ALOX15B: variants seen among roughly 807,000 people sequenced by gnomAD.
ALOX15B encodes the protein arachidonate 15-lipoxygenase type B.
ALOX15B carries 74 observed loss-of-function variants against 73.8 expected under a neutral mutation model. That is an observed-to-expected ratio of 1.00 (90% CI 0.83 to 1.22). The LOEUF is 1.22. Among genes scored for constraint, ALOX15B ranks in the 50% most tolerant of loss-of-function variants. ALOX15B has a pLI of 0.00. For synonymous variants in ALOX15B, 353 were observed against 357.2 expected (o/e 0.99, Z 0.13); for missense variants, 896 against 859.9 (o/e 1.04, Z -0.52).
At chr17:8,039,800 G>A in intron 2 of ALOX15B, 102 bp from the exon 3 acceptor site, 1 of 1,297,490 alleles carries the variant, frequency 7.7e-7, no homozygotes, top group Non-Finnish European at 1.1e-6. Context: ...ACTTATGGGA[G>A]GAGGGGACCT....
intron 2 of ALOX15B, 63 bp downstream of exon 2, chr17:8,039,668 T>TGGGGGAGGGGGGGTG: frequency 1.1e-6 from 1 of 938,320 alleles, no homozygotes; most frequent in Non-Finnish European, 1.5e-6. Flanking sequence ...GACTGGGGGT[T>TGGGGGAGGGGGGGTG]GGGGAGAAGG....
At position 8,046,642 on chromosome 17, in the gene ALOX15B, A is replaced by G. The variant is rs375026101; in HGVS notation, c.1201-26A>G. 438 of 1,607,958 alleles carry G rather than the reference A, an allele frequency of 2.7e-4. 1 individual carries two copies. The highest frequency in any genetic ancestry group is 3.4e-4 in the Non-Finnish European group (400 of 1,177,186). ...GGCCAGAACAACCCAGGCCTCCCCTAGCTCTGCCATTTTCCTGCCATGCAG... is the reference window on the plus strand; with the variant it reads ...GGCCAGAACAACCCAGGCCTCCCCTGGCTCTGCCATTTTCCTGCCATGCAG... On this transcript the variant is annotated intron_variant, in intron 8 of 13. Coordinates refer to ENST00000380183, the MANE Select transcript of ALOX15B (RefSeq NM_001141.3).
intron 3 of ALOX15B, among the ~76,000 whole-genome samples, chr17:8,041,351 T>TA (rs1418598812): frequency 6.6e-6 from 1 of 152,234 alleles, no homozygotes; most frequent in Admixed American, 6.5e-5. Context: ...AGCTGCTAAG[T>TA]CTTGCACAAC....
Position 8,042,454 on chromosome 17 carries a change from GC to G in ALOX15B, c.537del (p.Lys180ArgfsTer16), listed in dbSNP as rs1893895196. On this transcript the variant is annotated frameshift_variant, in exon 4 of 14. Coordinates refer to ENST00000380183, the MANE Select transcript of ALOX15B (RefSeq NM_001141.3). LOFTEE classifies it high-confidence loss of function. ...DLELNIKYST[A>X]KNANFYLQAG... ...GGAGCTCAATATCAAATACTCCACA[GC>G]CAAGAATGCCAACTTTTATCTACAG... 1 of 1,613,880 alleles carries G rather than the reference GC, an allele frequency of 6.2e-7. No homozygotes were observed. Among genetic ancestry groups the G allele is most frequent in the South Asian group, 1.1e-5 (1 of 91,080 alleles).
intron 5 of ALOX15B, among the ~76,000 whole-genome samples, chr17:8,044,333 G>T (rs751089940): frequency 6.6e-6 from 1 of 150,602 alleles, no homozygotes; most frequent in Admixed American, 6.6e-5. Flanking sequence ...GAGGCAGGAG[G>T]ATCGGTTGAA....
chr17:8,044,044 G>T (rs765171737), intron 5 of ALOX15B, among the ~76,000 whole-genome samples: 1 of 150,298 alleles, frequency 6.7e-6, no homozygotes, highest in Non-Finnish European at 1.5e-5. Context: ...ATTCCAGCCC[G>T]GGCAAGAGAG....
chr17:8,039,110 C>T lies in ALOX15B; in HGVS notation c.-46C>T, dbSNP rs1976351994. On this transcript the variant is annotated 5_prime_UTR_variant, in exon 1 of 14. Transcript: ENST00000380183. ...AGGCGTGTCCCAGGGGGGAGCCCCG[C>T]TCTGCAGCCCTGTGCGCCGTAGAGA... The T allele has an allele frequency of 1.3e-6, 2 of 1,586,914 alleles. No individual in the cohort carries two copies. Among genetic ancestry groups the T allele is most frequent in the East Asian group, 2.3e-5 (1 of 44,418 alleles).
chr17:8,046,235 G>A (rs1976605026), intron 8 of ALOX15B, among the ~76,000 whole-genome samples: 1 of 152,202 alleles, frequency 6.6e-6, no homozygotes, highest in Non-Finnish European at 1.5e-5. Flanking sequence ...CCTACTCTGT[G>A]CTCTTCTGTA....
At position 8,048,725 on chromosome 17, in the gene ALOX15B, C is replaced by T; in HGVS notation, c.*160C>T. 1 of 676,726 alleles carries T rather than the reference C, an allele frequency of 1.5e-6. No homozygotes were observed. Among genetic ancestry groups the T allele is most frequent in the Admixed American group, 3.1e-5 (1 of 32,138 alleles). 41.9% of individuals were successfully genotyped at this position (676,726 alleles called of 1,614,324 possible). On this transcript the variant is annotated 3_prime_UTR_variant, in exon 14 of 14. Transcript: ENST00000380183. The stretch of plus-strand genomic sequence containing the variant: ...TCACCCCCACCACCATACACACACA[C>T]AAAAACAGAAACAAAATCAAAACAG...
chr17:8,040,606 A>AGAAAGAAAGAAG (rs1976422269), intron 3 of ALOX15B, among the ~76,000 whole-genome samples: 1 of 107,108 alleles, frequency 9.3e-6, no homozygotes, highest in African/African-American at 3.3e-5. Context: ...AGAGAGAGAA[A>AGAAAGAAAGAAG]GAAAGAAAGA....
rs763962600 is a variant in ALOX15B at position 8,046,767 on chromosome 17, T to C, written c.1287+13T>C. On this transcript the variant is annotated intron_variant, in intron 9 of 13. Transcript: ENST00000380183. ...GGTGGTGGACAGGGTGAGAGCTGTG[T>C]TGGGGAGGGAGTAGGCAGGCCACTC... The C allele has an allele frequency of 1.2e-6, 2 of 1,613,396 alleles. No individual in the cohort carries two copies. The highest frequency in any genetic ancestry group is 8.5e-7 in the Non-Finnish European group (1 of 1,179,788).
At chr17:8,044,190 G>A (rs1976542444) in intron 5 of ALOX15B, among the ~76,000 whole-genome samples, 1 of 149,788 alleles carries the variant, frequency 6.7e-6, no homozygotes, top group Non-Finnish European at 1.5e-5. Context: ...CGGAAGCTGA[G>A]GCAGACAGAT....
At chr17:8,039,777 T>C (rs1976384813) in intron 2 of ALOX15B, 125 bp from the exon 3 acceptor site, 1 of 1,201,804 alleles carries the variant, frequency 8.3e-7, no homozygotes, top group Non-Finnish European at 1.2e-6. Flanking sequence ...CAGCCTGGTG[T>C]AGGAGAAACT....
intron 5 of ALOX15B, among the ~76,000 whole-genome samples, chr17:8,044,139 G>GGAAGGAAT (rs1976537798): frequency 6.7e-6 from 1 of 148,490 alleles, no homozygotes; most frequent in South Asian, 2.1e-4. Flanking sequence ...AAGGAAGGAA[G>GGAAGGAAT]GAAGGAAGGA....
rs1418620828 is a variant in ALOX15B at position 8,042,669 on chromosome 17, C to A, written c.573-112C>A. 7.5e-6 allele frequency: 10 copies of A among 1,326,718 alleles called. No individual in the cohort carries two copies. In the East Asian group the frequency reaches 2.5e-4, roughly 33 times the overall value. The allele number at this position is 1,326,718 out of a possible 1,614,324, so 82.2% of individuals were successfully genotyped here. Reference sequence around the variant, plus strand: ...GCAACAGCTACCTTAGGGGTAGTGACTACCTTGGGCCCGGAGGCTGGTTCA... The same window carrying A: ...GCAACAGCTACCTTAGGGGTAGTGAATACCTTGGGCCCGGAGGCTGGTTCA... On this transcript the variant is annotated intron_variant, in intron 4 of 13. Coordinates refer to ENST00000380183, the MANE Select transcript of ALOX15B (RefSeq NM_001141.3).
Position 8,047,931 on chromosome 17 carries a change from G to C in ALOX15B, c.1851+16G>C. ...TGGAGACCAAGTGAGTGTGGGGCTG[G>C]GGGCCAGGCTGGGCCAAATTGGGGT... On this transcript the variant is annotated intron_variant, in intron 13 of 13. Transcript: ENST00000380183. The C allele has an allele frequency of 6.2e-7, 1 of 1,613,060 alleles. No homozygotes were observed. Among genetic ancestry groups the C allele is most frequent in the Non-Finnish European group, 8.5e-7 (1 of 1,179,496 alleles).
In ALOX15B at chr17:8,048,708, AC is replaced by A; in HGVS notation, c.*145del. ...CAACCAGACTCTGTAACTCACCCCC[AC>A]CACCATACACACACACAAAAACAGA... On this transcript the variant is annotated 3_prime_UTR_variant, in exon 14 of 14. Transcript: ENST00000380183. 1.3e-6 allele frequency: 1 copy of A among 775,052 alleles called. No homozygotes were observed. Among genetic ancestry groups the A allele is most frequent in the Non-Finnish European group, 2.0e-6 (1 of 504,660 alleles). 48.0% of individuals were successfully genotyped at this position (775,052 alleles called of 1,614,324 possible). A position where few individuals can be genotyped will look rare whatever the true frequency, so the allele number is the denominator to read the frequency against.
In ALOX15B at chr17:8,047,680, C is replaced by G. The variant is rs780861973; in HGVS notation, c.1680+16C>G. 4 of 1,612,760 alleles carry G rather than the reference C, an allele frequency of 2.5e-6. No homozygotes were observed. The highest frequency in any genetic ancestry group is 2.2e-5 in the South Asian group (2 of 90,872). On this transcript the variant is annotated intron_variant, in intron 12 of 13. Transcript: ENST00000380183. Reference sequence around the variant, plus strand: ...TGCAGGGCAGGTGAGGAAAGGCCAGCGCCCGAGGTGGCAGGCTGGAGGTGA... The same window carrying G: ...TGCAGGGCAGGTGAGGAAAGGCCAGGGCCCGAGGTGGCAGGCTGGAGGTGA...
At chr17:8,043,281 G>A (rs1319222468) in intron 5 of ALOX15B, among the ~76,000 whole-genome samples, 3 of 152,210 alleles carry the variant, frequency 2.0e-5, no homozygotes, top group Non-Finnish European at 4.4e-5. Flanking sequence ...CCCCAGGAAA[G>A]CTCTCCCAAG....
Sources: gnomAD v4.1 joint callset for allele counts (sites outside exome capture counted in the v4.1 genomes callset) on GRCh38, gnomAD v4.1.1 for gene constraint, MANE v1.5 for transcripts, NCBI Gene and HGNC (gene_info 2026-07-23, HGNC 2026-07-21) for gene names.